Variants in IFT43 observed in about 807,000 individuals in gnomAD.
The protein encoded by IFT43 is intraflagellar transport 43, also known as intraflagellar transport protein 43 homolog.
IFT43 carries 33 observed loss-of-function variants against 32.3 expected under a neutral mutation model. The observed-to-expected ratio is 1.02, with a 90% CI of 0.77 to 1.37. The LOEUF (loss-of-function observed/expected upper bound fraction) is 1.37. Among genes scored for constraint, IFT43 ranks in the 40% most tolerant of loss-of-function variants. The pLI, the probability that IFT43 is intolerant of heterozygous loss-of-function variation, is 0.00. For synonymous variants in IFT43, 93 were observed against 98.2 expected (o/e 0.95, Z 0.31); for missense variants, 274 against 265.9 (o/e 1.03, Z -0.21).
rs115232277 is a variant in IFT43, at chr14:76,074,267, G to A, written c.296-8028G>A. Among the ~76,000 whole-genome samples, 677 of 152,228 alleles carry A rather than the reference G, an allele frequency of 4.4e-3. 2 individuals carry two copies. The highest frequency in any genetic ancestry group is 0.016 in the African/African-American group (648 of 41,514). On this transcript the variant is annotated intron_variant, in intron 5 of 8. Coordinates refer to ENST00000314067, the MANE Select transcript of IFT43 (RefSeq NM_001102564.3). ...ATCTTGGGCCTTATTGAAGAGAGTG[G>A]AGAGTTCCTCAGCTTCCGTTCCTTC...
intron 5 of IFT43, among the ~76,000 whole-genome samples, chr14:76,060,945 G>A (rs2037123332): frequency 6.6e-6 from 1 of 150,856 alleles, no homozygotes; most frequent in Non-Finnish European, 1.5e-5. Context: ...CCATCGTCCA[G>A]GCTGGAGTGC....
intron 2 of IFT43, among the ~76,000 whole-genome samples, chr14:75,999,810 A>T (rs2035848237): frequency 6.6e-6 from 1 of 152,258 alleles, no homozygotes; most frequent in Admixed American, 6.5e-5. Context: ...CGGTAAAACC[A>T]TTTAATGTAT....
intron 2 of IFT43, among the ~76,000 whole-genome samples, chr14:75,991,681 T>C (rs1056469906): frequency 6.6e-6 from 1 of 152,156 alleles, no homozygotes; most frequent in Non-Finnish European, 1.5e-5. Context: ...CTTTCAGGGT[T>C]TCAGCCATTC....
intron 6 of IFT43, 85 bp from the exon 7 acceptor site, chr14:76,082,532 C>A: frequency 6.6e-7 from 1 of 1,509,744 alleles, no homozygotes; most frequent in Non-Finnish European, 9.2e-7. Flanking sequence ...CTGCTGTATA[C>A]AAGGTTCTGG....
intron 2 of IFT43, among the ~76,000 whole-genome samples, chr14:76,022,077 CCT>C (rs1349820094): frequency 6.6e-6 from 1 of 152,040 alleles, no homozygotes. Context: ...ATGGTGAAAC[CCT>C]GTCTCTACTA....
intron 3 of IFT43, among the ~76,000 whole-genome samples, chr14:76,041,160 T>G (rs2036698937): frequency 6.6e-6 from 1 of 152,226 alleles, no homozygotes; most frequent in South Asian, 2.1e-4. Context: ...GGTTCTAGAA[T>G]GGGTTCTCAG....
Position 76,053,844 on chromosome 14 carries a change from G to T in IFT43, c.216-4798G>T, listed in dbSNP as rs139839532. Among the ~76,000 whole-genome samples the T allele has an allele frequency of 4.4e-3, 676 of 152,264 alleles. 2 individuals are homozygous for T. Among genetic ancestry groups the T allele is most frequent in the African/African-American group, 0.016 (646 of 41,540 alleles). On this transcript the variant is annotated intron_variant, in intron 3 of 8. Transcript: ENST00000314067. ...TCTAATCGGATCTGGATTGCTCTGGGCCTGGTGTGGTGGAGAACACCTGCT... is the reference window on the plus strand; with the variant it reads ...TCTAATCGGATCTGGATTGCTCTGGTCCTGGTGTGGTGGAGAACACCTGCT...
chr14:76,005,178 C>A (rs562197693), intron 2 of IFT43, among the ~76,000 whole-genome samples: 1 of 152,334 alleles, frequency 6.6e-6, no homozygotes, highest in African/African-American at 2.4e-5. Context: ...TGAAAAATTA[C>A]AGTAACTCTG....
chr14:76,044,012 A>G (rs142747760), intron 3 of IFT43, among the ~76,000 whole-genome samples: 8 of 148,964 alleles, frequency 5.4e-5, no homozygotes, highest in African/African-American at 1.7e-4. Flanking sequence ...ACTTACTATC[A>G]CCAATTTATT....
At chr14:76,059,184 A>G in intron 4 of IFT43, 143 bp from the exon 5 acceptor site, 1 of 1,584,818 alleles carries the variant, frequency 6.3e-7, no homozygotes, top group South Asian at 1.1e-5. Context: ...TGGCCTAATT[A>G]GGTTTGACTA....
chr14:76,032,070 C>T (rs2036518635), intron 3 of IFT43, among the ~76,000 whole-genome samples: 2 of 152,168 alleles, frequency 1.3e-5, no homozygotes, highest in Non-Finnish European at 2.9e-5. Flanking sequence ...TACCCCCTCC[C>T]CTAATCGTGC....
In IFT43 at chr14:76,083,454, G is replaced by A. The variant is rs1363262224; in HGVS notation, c.508-4G>A. 6.2e-7 allele frequency: 1 copy of A among 1,614,170 alleles called. No homozygotes were observed. Among genetic ancestry groups the A allele is most frequent in the Non-Finnish European group, 8.5e-7 (1 of 1,180,032 alleles). ...GTCTTACCCAGCGAAACCCTTCTTG[G>A]CAGGATGATGTCGGCTGGGACTGGG... is the stretch of plus-strand genomic sequence containing the variant. On this transcript the variant is annotated splice_region_variant and splice_polypyrimidine_tract_variant and intron_variant, in intron 8 of 8. Coordinates refer to ENST00000314067, the MANE Select transcript of IFT43 (RefSeq NM_001102564.3).
intron 1 of IFT43, chr14:75,986,181 C>T (rs1284946511): frequency 7.5e-7 from 1 of 1,327,526 alleles, no homozygotes; most frequent in African/African-American, 1.5e-5. Context: ...TAGGGGAGCC[C>T]CGGCCGGGGT....
At chr14:76,009,354 A>C (rs1566705054) in intron 2 of IFT43, among the ~76,000 whole-genome samples, 1 of 152,268 alleles carries the variant, frequency 6.6e-6, no homozygotes, top group South Asian at 2.1e-4. Context: ...AGATTCAGCA[A>C]ATAATCCTCC....
At chr14:76,035,261 T>A (rs1195925239) in intron 3 of IFT43, among the ~76,000 whole-genome samples, 1 of 152,124 alleles carries the variant, frequency 6.6e-6, no homozygotes, top group Non-Finnish European at 1.5e-5. Context: ...TTCTAACAAC[T>A]CCTCCTGACA....
chr14:76,036,735 A>G (rs1414606954), intron 3 of IFT43, among the ~76,000 whole-genome samples: 1 of 151,078 alleles, frequency 6.6e-6, no homozygotes, highest in Non-Finnish European at 1.5e-5. Flanking sequence ...TCTCTATTTT[A>G]TTCTGCAACA....
chr14:75,990,567 C>G (rs927823590), intron 2 of IFT43, among the ~76,000 whole-genome samples: 22 of 152,234 alleles, frequency 1.4e-4, no homozygotes, highest in Middle Eastern at 3.4e-3. Context: ...GGGTCAAGTA[C>G]ATAGTGTGTG....
At chr14:76,082,847 C>T (rs2140100504) in intron 7 of IFT43, among the ~76,000 whole-genome samples, 155 bp downstream of exon 7, 1 of 152,338 alleles carries the variant, frequency 6.6e-6, no homozygotes, top group Admixed American at 6.5e-5. Context: ...GTTTTATCAT[C>T]ATTCATCTCA....
At chr14:75,992,242 A>G (rs561140255) in intron 2 of IFT43, among the ~76,000 whole-genome samples, 3 of 152,304 alleles carry the variant, frequency 2.0e-5, no homozygotes, top group South Asian at 4.1e-4. Context: ...AAGTCCACCA[A>G]TCTCTCTAAT....
Sources: gnomAD v4.1 joint callset for allele counts (sites outside exome capture counted in the v4.1 genomes callset) on GRCh38, gnomAD v4.1.1 for gene constraint, MANE v1.5 for transcripts, NCBI Gene and HGNC (gene_info 2026-07-23, HGNC 2026-07-21) for gene names.